Variants in ABTB2 observed in about 807,000 individuals in gnomAD.
ABTB2 encodes the protein ankyrin repeat and BTB domain containing 2, also known as ankyrin repeat and BTB/POZ domain-containing protein 2.
A neutral mutation model predicts 104.1 loss-of-function variants in ABTB2; 56 were observed. That is an observed-to-expected ratio of 0.54 (90% CI 0.43 to 0.67). The LOEUF (loss-of-function observed/expected upper bound fraction) is 0.67. ABTB2 is among the 30% of genes least tolerant of loss of function. The pLI is 0.00. For missense variants in ABTB2, 1,279 were observed against 1,407.7 expected (o/e 0.91, Z 1.46); for synonymous variants, 606 against 608.2 (o/e 1.00, Z 0.05).
intron 1 of ABTB2, among the ~76,000 whole-genome samples, chr11:34,274,137 C>T (rs988664034): frequency 1.7e-5 from 2 of 114,878 alleles, no homozygotes; most frequent in African/African-American, 3.6e-5. Flanking sequence ...CCGGCCTGGG[C>T]GACAGAGCGA....
rs965250918 is a variant in ABTB2 at position 34,154,381 on chromosome 11, G to A, written c.2767-3C>T. ...AACAGGCTGGCAGCTGACAGCAGCTGGTAGGGAGGCAGAGCAGGTCTTGGG... is the reference window on the plus strand; with the variant it reads ...AACAGGCTGGCAGCTGACAGCAGCTAGTAGGGAGGCAGAGCAGGTCTTGGG... On this transcript the variant is annotated splice_region_variant and splice_polypyrimidine_tract_variant and intron_variant, in intron 15 of 16. Transcript: ENST00000435224. This position sits in a 1 kb window ranked among gnomAD's most constrained non-coding sequence, Gnocchi z 4.9. 1 of 1,607,718 alleles carries A rather than the reference G, an allele frequency of 6.2e-7. No homozygotes were observed. Among genetic ancestry groups the A allele is most frequent in the Non-Finnish European group, 8.5e-7 (1 of 1,176,280 alleles).
chr11:34,197,244 C>CGTCAGTCAGT (rs1853269565), intron 3 of ABTB2, 81 bp downstream of exon 3: 1 of 1,478,540 alleles, frequency 6.8e-7, no homozygotes, highest in Non-Finnish European at 9.4e-7. Flanking sequence ...GTTGGTCAGT[C>CGTCAGTCAGT]GTCAGTCAGT....
intron 1 of ABTB2, among the ~76,000 whole-genome samples, chr11:34,213,936 C>G (rs1376743334): frequency 6.6e-6 from 1 of 152,044 alleles, no homozygotes; most frequent in Non-Finnish European, 1.5e-5. Context: ...GGCCTCTCTC[C>G]AAAGTATTGA....
intron 1 of ABTB2, among the ~76,000 whole-genome samples, chr11:34,308,882 A>AAAAAAAAAAAAAAAAG (rs1252511057): frequency 6.6e-6 from 1 of 150,826 alleles, no homozygotes; most frequent in African/African-American, 2.4e-5. Flanking sequence ...AAAAAAAAAA[A>AAAAAAAAAAAAAAAAG]AAAAAGAAAA....
intron 10 of ABTB2, among the ~76,000 whole-genome samples, chr11:34,162,237 G>A (rs1379681152): frequency 3.9e-5 from 6 of 152,240 alleles, no homozygotes; most frequent in South Asian, 4.1e-4. Context: ...GTGGAGTCCC[G>A]GGGCTTCAGA....
intron 5 of ABTB2, among the ~76,000 whole-genome samples, chr11:34,169,961 C>T (rs1331464389): frequency 6.6e-6 from 1 of 152,210 alleles, no homozygotes; most frequent in African/African-American, 2.4e-5. Context: ...CTGCATTGTG[C>T]CGTCACCTCA....
intron 1 of ABTB2, among the ~76,000 whole-genome samples, chr11:34,286,326 T>C (rs558989897): frequency 3.9e-4 from 60 of 152,158 alleles, no homozygotes; most frequent in Admixed American, 1.1e-3. Context: ...GGAGTCTTGC[T>C]CTGTTACCCA....
At chr11:34,198,380 G>T (rs890297871) in intron 2 of ABTB2, among the ~76,000 whole-genome samples, 1 of 151,948 alleles carries the variant, frequency 6.6e-6, no homozygotes, top group Admixed American at 6.5e-5. Flanking sequence ...AGCAGAGATC[G>T]TGCCACCACA....
intron 3 of ABTB2, among the ~76,000 whole-genome samples, chr11:34,193,293 A>G (rs1853205909): frequency 6.6e-6 from 1 of 152,218 alleles, no homozygotes; most frequent in Admixed American, 6.5e-5. Flanking sequence ...GGTGCCTGGG[A>G]TGCAAAGCTG....
chr11:34,240,404 G>T (rs572551852), intron 1 of ABTB2, among the ~76,000 whole-genome samples: 259 of 152,270 alleles, frequency 1.7e-3, no homozygotes, highest in Middle Eastern at 3.4e-3. Context: ...CACTGAGTGG[G>T]GCCCCCAAGA....
intron 1 of ABTB2, among the ~76,000 whole-genome samples, chr11:34,307,955 C>A (rs1854798461): frequency 6.6e-6 from 1 of 152,206 alleles, no homozygotes; most frequent in Non-Finnish European, 1.5e-5. Flanking sequence ...CTTGGCCTCC[C>A]AAAGTGCTGG....
At position 34,252,267 on chromosome 11, in the gene ABTB2, G is replaced by C. The variant is rs952417593; in HGVS notation, c.884-47577C>G. Reference sequence around the variant, plus strand: ...GTGACAGCGAGGAGGCCAGATGCACGAGCCTCTTCCTGAACCATCGCATCT... The same window carrying C: ...GTGACAGCGAGGAGGCCAGATGCACCAGCCTCTTCCTGAACCATCGCATCT... On this transcript the variant is annotated intron_variant, in intron 1 of 16. Transcript: ENST00000435224. This position sits in a 1 kb window ranked among gnomAD's most constrained non-coding sequence, Gnocchi z 5.5. 6.6e-6 allele frequency among the ~76,000 whole-genome samples: 1 copy of C among 152,168 alleles called. No homozygotes were observed.
chr11:34,152,404 T>C lies in ABTB2; in HGVS notation c.3061A>G (p.Ile1021Val), dbSNP rs372778906. 2.5e-6 allele frequency: 4 copies of C among 1,574,082 alleles called. No homozygotes were observed. Among genetic ancestry groups the C allele is most frequent in the East Asian group, 2.3e-5 (1 of 43,294 alleles). The change falls in exon 17 of 17, where the codon ATC becomes GTC. Residue 1021 changes from isoleucine to valine, a missense_variant. Coordinates refer to ENST00000435224, the MANE Select transcript of ABTB2 (RefSeq NM_145804.3). Reference sequence around the variant, plus strand: ...CCCCTGCCTCACACCCGGGAGGTGATGTAGACAGAGTGCACGCGCTCTGCC... The same window carrying C: ...CCCCTGCCTCACACCCGGGAGGTGACGTAGACAGAGTGCACGCGCTCTGCC... The part of the protein sequence containing the change: ...TLAERVHSVY[I>V]TSRV
intron 1 of ABTB2, among the ~76,000 whole-genome samples, chr11:34,213,336 C>T (rs12417958): frequency 0.24 from 37,022 of 152,004 alleles, 5,595 homozygotes; most frequent in African/African-American, 0.43. Context: ...AAAAATTAGC[C>T]GGGCGTGGTG....
chr11:34,345,518 C>G (rs768864086), intron 1 of ABTB2, among the ~76,000 whole-genome samples: 1 of 152,218 alleles, frequency 6.6e-6, no homozygotes, highest in Non-Finnish European at 1.5e-5. Flanking sequence ...CTCCCCTACA[C>G]AGTCCTCAGA....
chr11:34,198,548 G>A (rs1199160796), intron 2 of ABTB2, among the ~76,000 whole-genome samples: 1 of 152,110 alleles, frequency 6.6e-6, no homozygotes, highest in Non-Finnish European at 1.5e-5. Context: ...GAGCCCACAG[G>A]TTGAGTTAAC....
chr11:34,347,305 G>A (rs1855344200), intron 1 of ABTB2, among the ~76,000 whole-genome samples: 1 of 152,106 alleles, frequency 6.6e-6, no homozygotes, highest in Admixed American at 6.6e-5. Flanking sequence ...GTGTGGTGGT[G>A]CCTGCCTATA....
At chr11:34,230,332 G>A (rs959810034) in intron 1 of ABTB2, among the ~76,000 whole-genome samples, 3 of 152,198 alleles carry the variant, frequency 2.0e-5, no homozygotes, top group Non-Finnish European at 4.4e-5. Flanking sequence ...AGCTCAGTGA[G>A]GGAGAATTTG....
At chr11:34,192,132 A>T (rs1453138012) in intron 3 of ABTB2, among the ~76,000 whole-genome samples, 6 of 152,064 alleles carry the variant, frequency 3.9e-5, no homozygotes, top group Non-Finnish European at 2.9e-5. Context: ...TTCTACAAAA[A>T]TTTTTTAAAA....
Sources: gnomAD v4.1 joint callset for allele counts (sites outside exome capture counted in the v4.1 genomes callset) on GRCh38, gnomAD v4.1.1 for gene constraint, Gnocchi (gnomAD v3.1) non-coding constraint, MANE v1.5 for transcripts, NCBI Gene and HGNC (gene_info 2026-07-23, HGNC 2026-07-21) for gene names.